PCDHGA5: variants seen among roughly 807,000 people sequenced by gnomAD.
PCDHGA5 encodes protocadherin gamma-A5.
In PCDHGA5, 36 loss-of-function variants were observed where a neutral mutation model predicts 56.7. The ratio of observed to expected loss-of-function variants is 0.64; its 90% CI spans 0.49 to 0.84. The LOEUF (loss-of-function observed/expected upper bound fraction) is 0.84, where lower values mean the gene tolerates loss of function less well. Ranked by LOEUF, PCDHGA5 falls within the 40% of genes least tolerant of loss-of-function variation. PCDHGA5 has a pLI of 0.00. For synonymous variants in PCDHGA5, 563 were observed against 520.2 expected, an observed-to-expected ratio of 1.08 and a Z score of -1.12; for missense variants, 1,305 against 1,201.5, an observed-to-expected ratio of 1.09 and a Z score of -1.27.
rs549801775 is a variant in PCDHGA5 at position 141,419,346 on chromosome 5, T to C, written c.2421+52595T>C. The C allele has an allele frequency of 6.2e-7, 1 of 1,613,828 alleles. No individual in the cohort carries two copies. The highest frequency in any genetic ancestry group is 2.2e-5 in the East Asian group (1 of 44,886). ...TCCTACTCTCTCATTGCCAGCGACCTGGAGTCACGAACGCTGTCGTCCTAC... is the reference window on the plus strand; with the variant it reads ...TCCTACTCTCTCATTGCCAGCGACCCGGAGTCACGAACGCTGTCGTCCTAC... On this transcript the variant is annotated intron_variant, in intron 1 of 3. Coordinates refer to ENST00000518069, the MANE Select transcript of PCDHGA5 (RefSeq NM_018918.3).
chr5:141,409,748 G>C, intron 1 of PCDHGA5: 2 of 1,613,018 alleles, frequency 1.2e-6, no homozygotes, highest in South Asian at 2.2e-5. Context: ...GGTGGTGTTC[G>C]CGCAGCGCGC....
intron 1 of PCDHGA5, chr5:141,387,914 G>A (rs1379719736): frequency 1.5e-5 from 22 of 1,487,626 alleles, no homozygotes; most frequent in Non-Finnish European, 1.8e-5. Context: ...AGCTGGGCCG[G>A]GCTGAGAGGC....
chr5:141,375,429 C>T (rs1049627462), intron 1 of PCDHGA5: 1 of 1,613,840 alleles, frequency 6.2e-7, no homozygotes, highest in African/African-American at 1.3e-5. Context: ...AACGACAACC[C>T]GCCCACCTTC....
intron 2 of PCDHGA5, among the ~76,000 whole-genome samples, chr5:141,500,935 C>A (rs1159997919): frequency 1.3e-5 from 2 of 151,694 alleles, no homozygotes; most frequent in Non-Finnish European, 2.9e-5. Flanking sequence ...GTGGCGCCAT[C>A]TCGGCTCACT....
intron 1 of PCDHGA5, chr5:141,376,063 C>T (rs1392618102): frequency 1.9e-6 from 3 of 1,613,444 alleles, no homozygotes; most frequent in Non-Finnish European, 2.5e-6. Context: ...CTGTCACGCT[C>T]ACCGTGGCCG....
At position 141,431,542 on chromosome 5, in the gene PCDHGA5, G is replaced by C; in HGVS notation, c.2422-63265G>C. On this transcript the variant is annotated intron_variant, in intron 1 of 3. Coordinates refer to ENST00000518069, the MANE Select transcript of PCDHGA5 (RefSeq NM_018918.3). The surrounding 1 kb of genome is among the most constrained non-coding windows in gnomAD (Gnocchi z 4.8). ...AGAATCTGGCCTTGGGCACGCAGCT[G>C]CTTGTAGTCAACGCTACCGACCCTG... The C allele has an allele frequency of 1.9e-6, 3 of 1,614,124 alleles. No homozygotes were observed. The highest frequency in any genetic ancestry group is 1.1e-5 in the South Asian group (1 of 91,086).
chr5:141,390,867 C>CGTGT (rs61319619), intron 1 of PCDHGA5: 7,865 of 151,126 alleles, frequency 0.052, 273 homozygotes, highest in African/African-American at 0.097. Context: ...GCTGTGTGTG[C>CGTGT]GTGTGTGTGT....
At chr5:141,409,755 G>C (rs2095312141) in intron 1 of PCDHGA5, 1 of 1,613,024 alleles carries the variant, frequency 6.2e-7, no homozygotes, top group Non-Finnish European at 8.5e-7. Flanking sequence ...TTCGCGCAGC[G>C]CGCCTTTGAT....
chr5:141,475,616 G>A (rs2099366026), intron 1 of PCDHGA5, among the ~76,000 whole-genome samples: 1 of 152,206 alleles, frequency 6.6e-6, no homozygotes, highest in Admixed American at 6.5e-5. Flanking sequence ...GTAGTTTTCG[G>A]TTTGGTTCGA....
At chr5:141,441,871 G>A (rs1020432020) in intron 1 of PCDHGA5, 3 of 340,480 alleles carry the variant, frequency 8.8e-6, no homozygotes, top group Admixed American at 8.1e-5. Context: ...CGCGGAGCCT[G>A]GCTACCTGGT....
Position 141,410,368 on chromosome 5 carries a change from T to C in PCDHGA5, c.2421+43617T>C, listed in dbSNP as rs751198926. 5.6e-6 allele frequency: 9 copies of C among 1,613,956 alleles called. No homozygotes were observed. The African/African-American group carries it at 1.2e-4, about 22-fold the overall frequency. On this transcript the variant is annotated intron_variant, in intron 1 of 3. Coordinates refer to ENST00000518069, the MANE Select transcript of PCDHGA5 (RefSeq NM_018918.3). Reference sequence around the variant, plus strand: ...GCCTGCGACGCTCTCTCAGCCCTGCTACTTGGGACTGCTTCCATCCTGGTC... The same window carrying C: ...GCCTGCGACGCTCTCTCAGCCCTGCCACTTGGGACTGCTTCCATCCTGGTC...
chr5:141,375,892 G>T (rs753797132), intron 1 of PCDHGA5: 1 of 1,613,794 alleles, frequency 6.2e-7, no homozygotes, highest in African/African-American at 1.3e-5. Context: ...AGAACGCCTG[G>T]CTGTCCTACC....
chr5:141,458,609 A>T (rs1037852455), intron 1 of PCDHGA5, among the ~76,000 whole-genome samples: 1 of 152,004 alleles, frequency 6.6e-6, no homozygotes, highest in Non-Finnish European at 1.5e-5. Flanking sequence ...TCACTCTGTC[A>T]GCCAGGCTGG....
chr5:141,409,096 A>C, intron 1 of PCDHGA5: 1 of 1,614,074 alleles, frequency 6.2e-7, no homozygotes, highest in African/African-American at 1.3e-5. Context: ...ATGAGAAAAC[A>C]GGTATGATTA....
Position 141,418,592 on chromosome 5 carries a change from G to A in PCDHGA5, c.2421+51841G>A, listed in dbSNP as rs772314584. Reference sequence around the variant, plus strand: ...TGACAACCCCCCAGTGTTCAGCCAGGACGTGTACAGGGTTAGCCTTCGGGA... The same window carrying A: ...TGACAACCCCCCAGTGTTCAGCCAGAACGTGTACAGGGTTAGCCTTCGGGA... On this transcript the variant is annotated intron_variant, in intron 1 of 3. Transcript: ENST00000518069. 18 of 1,614,020 alleles carry A rather than the reference G, an allele frequency of 1.1e-5. No homozygotes were observed. The highest frequency in any genetic ancestry group is 1.5e-5 in the Non-Finnish European group (18 of 1,179,902).
chr5:141,461,409 A>ATATGTTTGT (rs1491521215), intron 1 of PCDHGA5, among the ~76,000 whole-genome samples: 2 of 151,810 alleles, frequency 1.3e-5, no homozygotes, highest in Non-Finnish European at 2.9e-5. Context: ...GCATTTTTTC[A>ATATGTTTGT]TATGTTTGTG....
At chr5:141,382,819 G>A in intron 1 of PCDHGA5, 2 of 1,297,966 alleles carry the variant, frequency 1.5e-6, no homozygotes, top group Non-Finnish European at 2.1e-6. Context: ...CCCTTCCTAA[G>A]ACAGAGGGGT....
rs762238827 is a variant in PCDHGA5 at position 141,487,202 on chromosome 5, C to T, written c.2422-7605C>T. ...CACTCATCCAGTTGTCCCAGATCTT[C>T]GAGAATCTTCAGCTCCAAGGGAAGG... On this transcript the variant is annotated intron_variant, in intron 1 of 3. Coordinates refer to ENST00000518069, the MANE Select transcript of PCDHGA5 (RefSeq NM_018918.3). This position sits in a 1 kb window ranked among gnomAD's most constrained non-coding sequence, Gnocchi z 5.0. 7 of 1,613,660 alleles carry T rather than the reference C, an allele frequency of 4.3e-6. No homozygotes were observed. The highest frequency in any genetic ancestry group is 1.7e-5 in the Admixed American group (1 of 59,992).
intron 1 of PCDHGA5, chr5:141,375,578 G>A (rs2150062565): frequency 1.9e-6 from 3 of 1,614,062 alleles, no homozygotes; most frequent in Non-Finnish European, 2.5e-6. Context: ...CCTCCAGGGG[G>A]CGCCCCTGTC....
Sources: allele counts gnomAD v4.1 joint callset (sites outside exome capture counted in the v4.1 genomes callset), GRCh38; gene constraint gnomAD v4.1.1; non-coding constraint Gnocchi (gnomAD v3.1); transcripts MANE v1.5; gene names NCBI Gene and HGNC (gene_info 2026-07-23, HGNC 2026-07-21).